The following DENND1A variants were observed in gnomAD, a reference collection of about 807,000 sequenced individuals.
DENND1A encodes the protein DENN domain-containing protein 1A.
Under a neutral mutation model 113.7 loss-of-function variants are expected in DENND1A, and 51 were observed. The ratio of observed to expected loss-of-function variants is 0.45; its 90% confidence interval spans 0.36 to 0.57. The LOEUF (loss-of-function observed/expected upper bound fraction) is 0.57, where lower values mean the gene tolerates loss of function less well. Ranked by LOEUF, DENND1A falls within the 20% of genes least tolerant of loss-of-function variation. The probability of loss-of-function intolerance (pLI) is 0.00; values close to 1 mark genes in which losing one functional copy is unlikely to be tolerated. For missense variants in DENND1A, 1,258 were observed against 1,395.9 expected (o/e 0.90, Z 1.57); for synonymous variants, 565 against 570.8 (o/e 0.99, Z 0.14).
rs377153041 is a variant in DENND1A at position 123,593,572 on chromosome 9, T to G, written c.766-10302A>C. Among the ~76,000 whole-genome samples, 10 of 152,324 alleles carry G rather than the reference T, an allele frequency of 6.6e-5. No homozygotes were observed. In the East Asian group the frequency reaches 1.5e-3, roughly 23 times the overall value. ...TTCAAACTAAGTCTAAGTTGATCCC[T>G]CTGTGAGAGGGGCACACTTGATGTG... On this transcript the variant is annotated intron_variant, in intron 11 of 23. Transcript: ENST00000394215.
chr9:123,619,409 G>A (rs1372716456), intron 10 of DENND1A, among the ~76,000 whole-genome samples: 2 of 150,878 alleles, frequency 1.3e-5, no homozygotes, highest in Admixed American at 1.3e-4. Flanking sequence ...TACATACATT[G>A]ATTGACTGAT....
chr9:123,896,145 T>G (rs1436392254), intron 1 of DENND1A, among the ~76,000 whole-genome samples: 1 of 149,938 alleles, frequency 6.7e-6, no homozygotes, highest in Non-Finnish European at 1.5e-5. Context: ...CAGGAAAAAA[T>G]AAAAAAAAAT....
At chr9:123,460,835 T>C (rs1324797341) in intron 13 of DENND1A, among the ~76,000 whole-genome samples, 1 of 152,242 alleles carries the variant, frequency 6.6e-6, no homozygotes, top group Non-Finnish European at 1.5e-5. Flanking sequence ...GAACTCTGCA[T>C]AGATGTTACC....
chr9:123,855,237 C>T (rs542593827), intron 2 of DENND1A, among the ~76,000 whole-genome samples: 2 of 151,088 alleles, frequency 1.3e-5, no homozygotes, highest in Admixed American at 1.3e-4. Context: ...AGGTTCCTGC[C>T]CTCAAGAAAA....
intron 2 of DENND1A, among the ~76,000 whole-genome samples, chr9:123,804,622 G>A (rs1387772235): frequency 6.6e-6 from 1 of 152,018 alleles, no homozygotes; most frequent in Admixed American, 6.6e-5. Flanking sequence ...TTATCTAACT[G>A]TCTACTCAAC....
In DENND1A at chr9:123,877,272, C is replaced by T. The variant is rs150321930; in HGVS notation, c.88+1679G>A. 7.5e-3 allele frequency among the ~76,000 whole-genome samples: 1,136 copies of T among 152,118 alleles called. 8 individuals carry two copies. The highest frequency in any genetic ancestry group is 0.013 in the Non-Finnish European group (858 of 68,002). On this transcript the variant is annotated intron_variant, in intron 2 of 23. Transcript: ENST00000394215. The stretch of plus-strand genomic sequence containing the variant: ...TTGGGAGGCTGAGGCAGGCGGATAA[C>T]GAGGTCAAGAGTTCGAGACAGCCTG...
At chr9:123,658,263 C>A (rs2063064818) in intron 8 of DENND1A, among the ~76,000 whole-genome samples, 1 of 151,712 alleles carries the variant, frequency 6.6e-6, no homozygotes, top group African/African-American at 2.4e-5. Flanking sequence ...ATATGATTAT[C>A]CATTAATCAA....
chr9:123,538,749 A>AGT (rs145062895), intron 13 of DENND1A, among the ~76,000 whole-genome samples: 10,007 of 90,758 alleles, frequency 0.11, 622 homozygotes, highest in African/African-American at 0.16. Context: ...TATGTGTGTG[A>AGT]GTGTGTGTGT....
chr9:123,699,688 C>CTTTCTT (rs2065759061), intron 5 of DENND1A, among the ~76,000 whole-genome samples: 1 of 112,412 alleles, frequency 8.9e-6, no homozygotes, highest in Non-Finnish European at 1.7e-5. Context: ...TTCTTTCTTT[C>CTTTCTT]TTTTTTTTTT....
At chr9:123,519,217 C>T (rs945356351) in intron 13 of DENND1A, among the ~76,000 whole-genome samples, 5 of 152,204 alleles carry the variant, frequency 3.3e-5, no homozygotes, top group East Asian at 1.9e-4. Context: ...AATGGTACAT[C>T]GGTCTGTCTC....
At chr9:123,383,621 C>T (rs2042401370) in intron 23 of DENND1A, 34 bp downstream of exon 23, 2 of 1,597,636 alleles carry the variant, frequency 1.3e-6, no homozygotes, top group Non-Finnish European at 1.7e-6. Flanking sequence ...CAGTGCCGGC[C>T]CCCGGCCGAT....
intron 21 of DENND1A, among the ~76,000 whole-genome samples, chr9:123,389,604 A>G (rs1377890767): frequency 6.6e-6 from 1 of 152,132 alleles, no homozygotes; most frequent in Admixed American, 6.5e-5. Context: ...TCAATCACAA[A>G]CCCACACTTG....
At chr9:123,746,410 G>C (rs1254910474) in intron 5 of DENND1A, among the ~76,000 whole-genome samples, 1 of 151,830 alleles carries the variant, frequency 6.6e-6, no homozygotes. Flanking sequence ...TCAAAGTATA[G>C]CACCAATGTT....
chr9:123,551,977 GAA>G (rs1325595649), intron 13 of DENND1A, among the ~76,000 whole-genome samples: 1 of 151,534 alleles, frequency 6.6e-6, no homozygotes, highest in African/African-American at 2.4e-5. Flanking sequence ...TTTTCATTAG[GAA>G]AGAGAGAGAG....
chr9:123,735,002 AAGG>A (rs1186477579), intron 5 of DENND1A, among the ~76,000 whole-genome samples: 1 of 152,152 alleles, frequency 6.6e-6, no homozygotes, highest in Non-Finnish European at 1.5e-5. Flanking sequence ...GTAGATGGAG[AAGG>A]AGAAGCCAGA....
intron 5 of DENND1A, among the ~76,000 whole-genome samples, chr9:123,694,791 G>A (rs2065405126): frequency 6.6e-6 from 1 of 152,152 alleles, no homozygotes; most frequent in African/African-American, 2.4e-5. Flanking sequence ...TGCACACTTT[G>A]GTATCTACTC....
At chr9:123,632,128 T>C (rs1413401981) in intron 9 of DENND1A, among the ~76,000 whole-genome samples, 1 of 152,104 alleles carries the variant, frequency 6.6e-6, no homozygotes, top group Non-Finnish European at 1.5e-5. Context: ...AGCTTTAAAT[T>C]GGATATTCTG....
At chr9:123,410,119 TCTTA>T (rs1177168540) in intron 20 of DENND1A, among the ~76,000 whole-genome samples, 1 of 151,978 alleles carries the variant, frequency 6.6e-6, no homozygotes, top group Non-Finnish European at 1.5e-5. Flanking sequence ...AAAAAAAAAC[TCTTA>T]CTGTGTGTGT....
intron 11 of DENND1A, among the ~76,000 whole-genome samples, chr9:123,608,421 G>A (rs1464165873): frequency 2.0e-5 from 3 of 152,152 alleles, no homozygotes; most frequent in Non-Finnish European, 2.9e-5. Context: ...GGACATGGCT[G>A]TAGATTTTCC....
Sources: gnomAD v4.1 joint callset for allele counts (sites outside exome capture counted in the v4.1 genomes callset) on GRCh38, gnomAD v4.1.1 for gene constraint, MANE v1.5 for transcripts, NCBI Gene and HGNC (gene_info 2026-07-23, HGNC 2026-07-21) for gene names.